FOXJ3: variants seen among roughly 807,000 people sequenced by gnomAD.
FOXJ3 encodes the protein forkhead box J3, also known as forkhead box protein J3.
FOXJ3 carries 22 observed loss-of-function variants against 76.1 expected under a neutral mutation model. The observed-to-expected ratio is 0.29, with a 90% CI of 0.21 to 0.41. The LOEUF is 0.41. Among genes scored for constraint, FOXJ3 ranks in the 10% least tolerant of loss-of-function variants. The pLI is 1.00. For missense variants in FOXJ3, 613 were observed against 762.1 expected, an observed-to-expected ratio of 0.80 and a Z score of 2.30; for synonymous variants, 269 against 261.2, an observed-to-expected ratio of 1.03 and a Z score of -0.29.
chr1:42,274,688 T>A (rs1035791053), intron 3 of FOXJ3, among the ~76,000 whole-genome samples: 10 of 152,122 alleles, frequency 6.6e-5, no homozygotes, highest in African/African-American at 2.4e-4. Flanking sequence ...CAGAAAATAA[T>A]AAAAGCAGCT....
In FOXJ3 at chr1:42,335,150, G is replaced by A. The variant is rs183210769; in HGVS notation, c.-109C>T. The A allele has an allele frequency of 0.017, 2,542 of 152,310 alleles. 67 individuals carry two copies. Among genetic ancestry groups the A allele is most frequent in the African/African-American group, 0.059 (2,452 of 41,536 alleles). The allele number at this position is 152,310 out of a possible 1,614,324, so 9.4% of individuals were successfully genotyped here. A position where few individuals can be genotyped will look rare whatever the true frequency, so the allele number is the denominator to read the frequency against. On this transcript the variant is annotated 5_prime_UTR_variant, in exon 1 of 13. It introduces an in-frame stop codon into an upstream open reading frame of the 5' UTR. Transcript: ENST00000361346. Reference sequence around the variant, plus strand: ...GGGAAAGGTCCCAACGGTGCCTACTGCGAGCGGTCGAGGCCCCGAGCAGCC... The same window carrying A: ...GGGAAAGGTCCCAACGGTGCCTACTACGAGCGGTCGAGGCCCCGAGCAGCC...
At chr1:42,317,938 C>T (rs995857731) in intron 1 of FOXJ3, among the ~76,000 whole-genome samples, 1 of 152,024 alleles carries the variant, frequency 6.6e-6, no homozygotes, top group African/African-American at 2.4e-5. Flanking sequence ...TTTTATTTCT[C>T]CCCCATCAGA....
intron 1 of FOXJ3, among the ~76,000 whole-genome samples, chr1:42,321,702 T>C (rs893139140): frequency 3.9e-5 from 6 of 152,090 alleles, no homozygotes; most frequent in Non-Finnish European, 8.8e-5. Flanking sequence ...TTAAATAAAG[T>C]AAATAAAAAG....
At chr1:42,230,723 T>G (rs1034030633) in intron 4 of FOXJ3, among the ~76,000 whole-genome samples, 1 of 152,130 alleles carries the variant, frequency 6.6e-6, no homozygotes, top group African/African-American at 2.4e-5. Context: ...GGCAAGCACA[T>G]AGAGAAACTG....
At chr1:42,180,592 T>A (rs1410410359) in intron 12 of FOXJ3, among the ~76,000 whole-genome samples, 3 of 152,222 alleles carry the variant, frequency 2.0e-5, no homozygotes, top group Non-Finnish European at 4.4e-5. Flanking sequence ...TTTTTTTTAG[T>A]ACTCTGATTA....
chr1:42,310,450 C>CTT (rs774256648), intron 2 of FOXJ3, among the ~76,000 whole-genome samples: 37 of 130,154 alleles, frequency 2.8e-4, no homozygotes, highest in Middle Eastern at 4.3e-3. Flanking sequence ...GGGCTTTTTT[C>CTT]TTTTTTTTTT....
At chr1:42,280,402 A>T in intron 2 of FOXJ3, 1 of 708,792 alleles carries the variant, frequency 1.4e-6, no homozygotes, top group African/African-American at 2.0e-5. Flanking sequence ...CTGAACCTGA[A>T]CTTTAAATTC....
At chr1:42,254,034 A>G (rs376129078) in intron 4 of FOXJ3, among the ~76,000 whole-genome samples, 48 of 151,744 alleles carry the variant, frequency 3.2e-4, no homozygotes, top group Non-Finnish European at 4.1e-4. Context: ...GCAACCTACA[A>G]AATGGGAGAA....
chr1:42,229,424 A>C (rs1183585100), intron 4 of FOXJ3, among the ~76,000 whole-genome samples: 1 of 152,198 alleles, frequency 6.6e-6, no homozygotes, highest in Non-Finnish European at 1.5e-5. Flanking sequence ...AGGGAAAAAA[A>C]GCTGTTTAAC....
At chr1:42,192,804 C>A (rs1301618345) in intron 8 of FOXJ3, among the ~76,000 whole-genome samples, 7 of 149,410 alleles carry the variant, frequency 4.7e-5, no homozygotes, top group Non-Finnish European at 8.9e-5. Flanking sequence ...ATAAAAGAAT[C>A]AAGCTTTTTA....
chr1:42,321,806 C>T (rs1243443036), intron 1 of FOXJ3, among the ~76,000 whole-genome samples: 1 of 151,906 alleles, frequency 6.6e-6, no homozygotes, highest in African/African-American at 2.4e-5. Context: ...AAGAGGAAAC[C>T]AAACGTGGGT....
intron 2 of FOXJ3, among the ~76,000 whole-genome samples, chr1:42,293,845 A>ATATT (rs1290340491): frequency 1.3e-5 from 2 of 151,676 alleles, no homozygotes; most frequent in Non-Finnish European, 2.9e-5. Context: ...GGTGTTAATA[A>ATATT]AACTGTGAAG....
chr1:42,180,464 C>T (rs1249691909), intron 12 of FOXJ3, among the ~76,000 whole-genome samples: 1 of 144,110 alleles, frequency 6.9e-6, no homozygotes, highest in Non-Finnish European at 1.5e-5. Context: ...TCTTGACAGA[C>T]CCCCCCCTTC....
chr1:42,202,862 T>C (rs1646788678), intron 6 of FOXJ3, among the ~76,000 whole-genome samples: 1 of 152,124 alleles, frequency 6.6e-6, no homozygotes, highest in African/African-American at 2.4e-5. Context: ...TTAAATGAGG[T>C]TGTTTGTTGT....
At chr1:42,210,428 C>T (rs1646945646) in intron 5 of FOXJ3, among the ~76,000 whole-genome samples, 1 of 152,170 alleles carries the variant, frequency 6.6e-6, no homozygotes, top group Non-Finnish European at 1.5e-5. Flanking sequence ...AATCCCACCA[C>T]TACCACCATA....
intron 4 of FOXJ3, among the ~76,000 whole-genome samples, chr1:42,254,083 C>T (rs1170231820): frequency 6.6e-6 from 1 of 151,966 alleles, no homozygotes; most frequent in African/African-American, 2.4e-5. Flanking sequence ...GGGCTAATAT[C>T]CAGAATCTAC....
chr1:42,296,625 G>A (rs1020313839), intron 2 of FOXJ3, among the ~76,000 whole-genome samples: 6 of 152,266 alleles, frequency 3.9e-5, no homozygotes, highest in East Asian at 1.9e-4. Context: ...GTAGGTATGT[G>A]GCTTTATTTC....
At chr1:42,251,796 G>A (rs1650094977) in intron 4 of FOXJ3, among the ~76,000 whole-genome samples, 1 of 140,048 alleles carries the variant, frequency 7.1e-6, no homozygotes, top group South Asian at 2.3e-4. Flanking sequence ...TCGACTCACT[G>A]CAAGCTCCGC....
intron 4 of FOXJ3, 142 bp from the exon 5 acceptor site, chr1:42,228,108 AG>A (rs1265880876): frequency 7.2e-6 from 3 of 414,346 alleles, no homozygotes; most frequent in Non-Finnish European, 1.3e-5. Flanking sequence ...TTTTGAACTG[AG>A]AAAAAGATTA....
Sources: allele counts gnomAD v4.1 joint callset (sites outside exome capture counted in the v4.1 genomes callset), GRCh38; gene constraint gnomAD v4.1.1; transcripts MANE v1.5; gene names NCBI Gene and HGNC (gene_info 2026-07-23, HGNC 2026-07-21).